FRMD4A: variants seen among roughly 807,000 people sequenced by gnomAD.
FRMD4A encodes FERM domain-containing protein 4A.
In FRMD4A, 29 loss-of-function variants were observed where a neutral mutation model predicts 129.1. That is an observed-to-expected ratio of 0.22 (90% CI 0.17 to 0.31). The LOEUF is 0.31. Ranked by LOEUF, FRMD4A falls within the 10% of genes least tolerant of loss-of-function variation. The pLI, the probability that FRMD4A is intolerant of heterozygous loss-of-function variation, is 1.00. For missense variants in FRMD4A, 1,272 were observed against 1,375.8 expected, an observed-to-expected ratio of 0.92 and a Z score of 1.19; for synonymous variants, 634 against 571.6, an observed-to-expected ratio of 1.11 and a Z score of -1.56.
chr10:13,692,163 T>G (rs966012009), intron 15 of FRMD4A: 2 of 122,752 alleles, frequency 1.6e-5, no homozygotes, highest in African/African-American at 5.8e-5. Context: ...TTTTTTTTTT[T>G]TTTGAGACAG....
At chr10:13,811,237 G>T (rs1223171832) in intron 3 of FRMD4A, among the ~76,000 whole-genome samples, 3 of 149,942 alleles carry the variant, frequency 2.0e-5, no homozygotes, top group African/African-American at 7.4e-5. Flanking sequence ...CCGGGTTCAA[G>T]CGATTCTCAT....
intron 2 of FRMD4A, among the ~76,000 whole-genome samples, chr10:14,077,100 C>A (rs886256835): frequency 2.6e-5 from 4 of 152,150 alleles, no homozygotes. Flanking sequence ...AGCCTGGTGT[C>A]ACCCAAACAC....
intron 2 of FRMD4A, among the ~76,000 whole-genome samples, chr10:13,869,698 A>G (rs1382580261): frequency 1.3e-5 from 2 of 152,228 alleles, no homozygotes; most frequent in Non-Finnish European, 2.9e-5. Context: ...ACATCCAACT[A>G]GCTGGACCCC....
Position 14,061,819 on chromosome 10 carries a change from G to A in FRMD4A, c.46-202907C>T, listed in dbSNP as rs571114726. Among the ~76,000 whole-genome samples the A allele has an allele frequency of 3.3e-5, 5 of 152,294 alleles. No individual in the cohort carries two copies. The South Asian group carries it at 1.0e-3, about 32-fold the overall frequency. ...GTGACCATGAAGCCCAAGCCAATAC[G>A]TTGAAGATACCATATGAGCCACAGG... On this transcript the variant is annotated intron_variant, in intron 2 of 24. Coordinates refer to ENST00000357447, the MANE Select transcript of FRMD4A (RefSeq NM_018027.5).
At chr10:14,273,480 G>A (rs1845234368) in intron 2 of FRMD4A, among the ~76,000 whole-genome samples, 1 of 151,988 alleles carries the variant, frequency 6.6e-6, no homozygotes, top group Admixed American at 6.6e-5. Flanking sequence ...ATTAAAATTA[G>A]TAATATTAAT....
At chr10:13,832,436 C>T (rs11597886) in intron 3 of FRMD4A, among the ~76,000 whole-genome samples, 28,929 of 152,190 alleles carry the variant, frequency 0.19, 2,981 homozygotes, top group Non-Finnish European at 0.24. Context: ...TTAGTGATTT[C>T]AGCCTTGCGA....
In FRMD4A at chr10:14,176,466, C is replaced by CTT. The variant is rs35347674; in HGVS notation, c.45+153590_45+153591dup. Among the ~76,000 whole-genome samples, 640 of 72,860 alleles carry CTT rather than the reference C, an allele frequency of 8.8e-3. 97 individuals are homozygous for CTT. Among genetic ancestry groups the CTT allele is most frequent in the African/African-American group, 0.03 (583 of 19,580 alleles). The allele number at this position is 72,860 out of a possible 152,430, so 47.8% of individuals were successfully genotyped here. A position where few individuals can be genotyped will look rare whatever the true frequency, so the allele number is the denominator to read the frequency against. ...GAGAATCTCATTCCTTCACCTCCATCTTTTTTTTTTTTTTTTTTTTTTTTT... is the reference window on the plus strand; with the variant it reads ...GAGAATCTCATTCCTTCACCTCCATCTTTTTTTTTTTTTTTTTTTTTTTTTTT... On this transcript the variant is annotated intron_variant, in intron 2 of 24. Coordinates refer to ENST00000357447, the MANE Select transcript of FRMD4A (RefSeq NM_018027.5).
chr10:13,754,571 T>C (rs1588570176), intron 8 of FRMD4A, among the ~76,000 whole-genome samples: 1 of 20,584 alleles, frequency 4.9e-5, no homozygotes, highest in Non-Finnish European at 8.9e-5. Flanking sequence ...TTCTTTCGTG[T>C]GTGTGTGTGT....
chr10:13,869,929 G>C (rs1289513468), intron 2 of FRMD4A, among the ~76,000 whole-genome samples: 2 of 152,202 alleles, frequency 1.3e-5, no homozygotes, highest in Non-Finnish European at 2.9e-5. Context: ...GGATATCTTT[G>C]GTTCTGCAAC....
At chr10:13,930,414 G>A (rs2698123) in intron 2 of FRMD4A, among the ~76,000 whole-genome samples, 151,610 of 152,324 alleles carry the variant, frequency 1, 75,451 homozygotes, top group Middle Eastern at 1. Context: ...CTGATAAGCC[G>A]CAGGGGTTAC....
intron 2 of FRMD4A, among the ~76,000 whole-genome samples, chr10:13,993,387 A>G (rs982630133): frequency 6.6e-6 from 1 of 152,202 alleles, no homozygotes; most frequent in Non-Finnish European, 1.5e-5. Flanking sequence ...CTAGCATGAA[A>G]GAGATGATTT....
intron 3 of FRMD4A, among the ~76,000 whole-genome samples, chr10:13,832,731 G>T (rs2093810297): frequency 6.6e-6 from 1 of 152,142 alleles, no homozygotes; most frequent in African/African-American, 2.4e-5. Flanking sequence ...AGGCCAGGGG[G>T]TAGGTGGGAG....
In FRMD4A at chr10:14,245,925, C is replaced by T. The variant is rs925562608; in HGVS notation, c.45+84133G>A. Reference sequence around the variant, plus strand: ...CAACTCTGAAAACCCTCGTTGGATGCTGAGGCTGGGCCACTTAGCCGGCTG... The same window carrying T: ...CAACTCTGAAAACCCTCGTTGGATGTTGAGGCTGGGCCACTTAGCCGGCTG... On this transcript the variant is annotated intron_variant, in intron 2 of 24. Coordinates refer to ENST00000357447, the MANE Select transcript of FRMD4A (RefSeq NM_018027.5). Among the ~76,000 whole-genome samples the T allele has an allele frequency of 4.6e-5, 7 of 152,200 alleles. No homozygotes were observed. The South Asian group carries it at 1.5e-3, about 32-fold the overall frequency.
chr10:13,830,209 T>C (rs540377021), intron 3 of FRMD4A, among the ~76,000 whole-genome samples: 1 of 152,310 alleles, frequency 6.6e-6, no homozygotes, highest in South Asian at 2.1e-4. Context: ...AGAGCATCCA[T>C]CGGGCAGGGC....
chr10:14,218,439 A>G (rs1405622465), intron 2 of FRMD4A, among the ~76,000 whole-genome samples: 1 of 152,228 alleles, frequency 6.6e-6, no homozygotes, highest in Non-Finnish European at 1.5e-5. Context: ...TTACATAAAA[A>G]TCATCATAAT....
chr10:13,782,081 T>C (rs74121618), intron 6 of FRMD4A, among the ~76,000 whole-genome samples: 2,288 of 152,278 alleles, frequency 0.015, 62 homozygotes, highest in African/African-American at 0.052. Flanking sequence ...CAAAAACCTA[T>C]GGAAATATAA....
intron 2 of FRMD4A, among the ~76,000 whole-genome samples, chr10:14,124,291 A>C (rs970454291): frequency 6.6e-6 from 1 of 152,212 alleles, no homozygotes; most frequent in African/African-American, 2.4e-5. Flanking sequence ...TCCAGGTGCC[A>C]TGATCATTGC....
At chr10:13,822,337 T>C (rs1017374741) in intron 3 of FRMD4A, among the ~76,000 whole-genome samples, 1 of 152,180 alleles carries the variant, frequency 6.6e-6, no homozygotes, top group African/African-American at 2.4e-5. Context: ...AATTCTGGGG[T>C]TCAGATCTAG....
chr10:13,910,888 G>GAAAAAAAAAA (rs141449954), intron 2 of FRMD4A, among the ~76,000 whole-genome samples: 1 of 83,100 alleles, frequency 1.2e-5, no homozygotes, highest in African/African-American at 5.0e-5. Flanking sequence ...GGAGTTTCAT[G>GAAAAAAAAAA]AAAAAAAAAA....
Sources: gnomAD v4.1 joint callset for allele counts (sites outside exome capture counted in the v4.1 genomes callset) on GRCh38, gnomAD v4.1.1 for gene constraint, MANE v1.5 for transcripts, NCBI Gene and HGNC (gene_info 2026-07-23, HGNC 2026-07-21) for gene names.